KDM4C: variants seen among roughly 807,000 people sequenced by gnomAD.
KDM4C encodes lysine demethylase 4C.
KDM4C carries 81 observed loss-of-function variants against 129.3 expected under a neutral mutation model. The observed-to-expected ratio is 0.63, with a 90% confidence interval of 0.52 to 0.75. The LOEUF (loss-of-function observed/expected upper bound fraction) is 0.75. Ranked by LOEUF, KDM4C falls within the 30% of genes least tolerant of loss-of-function variation. The probability of loss-of-function intolerance (pLI) is 0.00; values close to 1 mark genes in which losing one functional copy is unlikely to be tolerated. For synonymous variants in KDM4C, 573 were observed against 456.1 expected (o/e 1.26, Z -3.26); for missense variants, 1,457 against 1,304.0 (o/e 1.12, Z -1.81).
intron 19 of KDM4C, among the ~76,000 whole-genome samples, chr9:7,129,680 G>T (rs1234887615): frequency 6.6e-6 from 1 of 152,052 alleles, no homozygotes; most frequent in Admixed American, 6.6e-5. Flanking sequence ...TTTCTCTACC[G>T]TGGACCCATG....
At chr9:6,905,170 G>T (rs1451370361) in intron 8 of KDM4C, among the ~76,000 whole-genome samples, 1 of 152,144 alleles carries the variant, frequency 6.6e-6, no homozygotes, top group East Asian at 1.9e-4. Flanking sequence ...TTCTATTTTT[G>T]AGGATGCCAT....
chr9:6,930,763 T>C (rs1380806513), intron 8 of KDM4C, among the ~76,000 whole-genome samples: 1 of 149,776 alleles, frequency 6.7e-6, no homozygotes, highest in Non-Finnish European at 1.5e-5. Flanking sequence ...ATATATGATA[T>C]TCATGTATCA....
At chr9:6,854,440 G>T (rs1025789496) in intron 5 of KDM4C, among the ~76,000 whole-genome samples, 5 of 147,298 alleles carry the variant, frequency 3.4e-5, no homozygotes, top group African/African-American at 1.3e-4. Context: ...AAGGAGAATT[G>T]CTTGAATCTG....
chr9:7,019,744 A>AATATTTTTATATATAAAAATATT lies in KDM4C; in HGVS notation c.2259+3837_2259+3838insTATATTTTTATATATAAAAATAT, dbSNP rs1563993233. On this transcript the variant is annotated intron_variant, in intron 15 of 21. Transcript: ENST00000381309. ...ATAATATTTTTATATATAAAAATAT[A>AATATTTTTATATATAAAAATATT]ATATTTTTATATATAAAAATATAAT... Among the ~76,000 whole-genome samples the AATATTTTTATATATAAAAATATT allele has an allele frequency of 1.9e-3, 175 of 90,092 alleles. 5 individuals are homozygous for AATATTTTTATATATAAAAATATT. Among genetic ancestry groups the AATATTTTTATATATAAAAATATT allele is most frequent in the East Asian group, 0.016 (37 of 2,248 alleles). 59.1% of individuals were successfully genotyped at this position (90,092 alleles called of 152,430 possible).
chr9:7,139,121 A>G (rs940375268), intron 19 of KDM4C, among the ~76,000 whole-genome samples: 18 of 152,028 alleles, frequency 1.2e-4, no homozygotes, highest in African/African-American at 3.1e-4. Flanking sequence ...AAAAATTTCA[A>G]AAAATTAGCC....
intron 12 of KDM4C, among the ~76,000 whole-genome samples, chr9:6,991,257 AAT>A (rs1016343575): frequency 6.6e-6 from 1 of 151,842 alleles, no homozygotes; most frequent in African/African-American, 2.4e-5. Context: ...TTAAAAAAAA[AAT>A]TTTTTTTTGT....
chr9:7,122,239 C>CCCCACA (rs1839560429), intron 18 of KDM4C, among the ~76,000 whole-genome samples: 2 of 144,364 alleles, frequency 1.4e-5, no homozygotes, highest in East Asian at 2.1e-4. Flanking sequence ...GTGGGAGATG[C>CCCCACA]CACACACACA....
intron 2 of KDM4C, among the ~76,000 whole-genome samples, chr9:6,803,262 C>A (rs1829340780): frequency 6.6e-6 from 1 of 151,988 alleles, no homozygotes; most frequent in Non-Finnish European, 1.5e-5. Context: ...TGCTGTTTTT[C>A]AATAAAAAAC....
At chr9:6,892,940 A>G (rs1846312305) in intron 7 of KDM4C, among the ~76,000 whole-genome samples, 155 bp from the exon 8 acceptor site, 1 of 152,202 alleles carries the variant, frequency 6.6e-6, no homozygotes. Flanking sequence ...AGCACTATTA[A>G]AGGATTAAGT....
intron 2 of KDM4C, among the ~76,000 whole-genome samples, 191 bp downstream of exon 2, chr9:6,793,323 A>G (rs954767603): frequency 6.6e-6 from 1 of 151,952 alleles, no homozygotes; most frequent in African/African-American, 2.4e-5. Context: ...ATAACTATTC[A>G]TACTAGGTTG....
In KDM4C at chr9:7,019,762, A is replaced by ATATAATATTTTT. The variant is rs1397753118; in HGVS notation, c.2259+3833_2259+3834insTATAATATTTTT. On this transcript the variant is annotated intron_variant, in intron 15 of 21. Coordinates refer to ENST00000381309, the MANE Select transcript of KDM4C (RefSeq NM_015061.6). ...AAAATATAATATTTTTATATATAAA[A>ATATAATATTTTT]ATATAATATTTTTATATATAAAAAT... Among the ~76,000 whole-genome samples the ATATAATATTTTT allele has an allele frequency of 8.3e-4, 99 of 119,510 alleles. 2 individuals carry two copies. Among genetic ancestry groups the ATATAATATTTTT allele is most frequent in the African/African-American group, 3.0e-3 (90 of 29,702 alleles). The allele number at this position is 119,510 out of a possible 152,430, so 78.4% of individuals were successfully genotyped here.
chr9:6,757,887 C>T (rs114119666), upstream of KDM4C: 811 of 985,466 alleles, frequency 8.2e-4, 8 homozygotes, highest in African/African-American at 0.013. Context: ...GCGTGCCGGG[C>T]ACCTTTAAGC....
chr9:7,005,623 T>A (rs1359479522), intron 12 of KDM4C, among the ~76,000 whole-genome samples: 1 of 152,064 alleles, frequency 6.6e-6, no homozygotes, highest in Non-Finnish European at 1.5e-5. Flanking sequence ...ATAACTAAAA[T>A]TTTTCCCACC....
intron 1 of KDM4C, among the ~76,000 whole-genome samples, chr9:6,745,995 G>A (rs1362126565): frequency 2.6e-5 from 4 of 151,858 alleles, no homozygotes; most frequent in Admixed American, 6.6e-5. Context: ...TAGTACAGAC[G>A]GGGTTTCACC....
intron 18 of KDM4C, among the ~76,000 whole-genome samples, chr9:7,107,185 T>C (rs1367521891): frequency 6.6e-6 from 1 of 152,250 alleles, no homozygotes; most frequent in Non-Finnish European, 1.5e-5. Context: ...TGTGCCATGA[T>C]TCATTATAAC....
At chr9:7,134,660 A>G (rs540332104) in intron 19 of KDM4C, among the ~76,000 whole-genome samples, 2 of 152,360 alleles carry the variant, frequency 1.3e-5, no homozygotes, top group Non-Finnish European at 2.9e-5. Context: ...ATGCACCTTT[A>G]TAAACACAAT....
intron 8 of KDM4C, among the ~76,000 whole-genome samples, chr9:6,894,967 G>A (rs1588977313): frequency 6.6e-6 from 1 of 152,198 alleles, no homozygotes; most frequent in African/African-American, 2.4e-5. Context: ...TGTTTATTCA[G>A]TTTAGTAAGG....
chr9:6,972,628 C>G (rs1011847457), intron 8 of KDM4C, among the ~76,000 whole-genome samples: 2 of 152,132 alleles, frequency 1.3e-5, no homozygotes, highest in Non-Finnish European at 2.9e-5. Flanking sequence ...ATGCTTTATT[C>G]TTACCATGTC....
intron 8 of KDM4C, among the ~76,000 whole-genome samples, chr9:6,944,410 T>C (rs1826499343): frequency 6.6e-6 from 1 of 152,198 alleles, no homozygotes; most frequent in Non-Finnish European, 1.5e-5. Flanking sequence ...TTTGAGTACA[T>C]TGTTCAAAAG....
Sources: gnomAD v4.1 joint callset for allele counts (sites outside exome capture counted in the v4.1 genomes callset) on GRCh38, gnomAD v4.1.1 for gene constraint, MANE v1.5 for transcripts, NCBI Gene and HGNC (gene_info 2026-07-23, HGNC 2026-07-21) for gene names.